The following WWC2 variants were observed in gnomAD, a reference collection of about 807,000 sequenced individuals.
WWC2 encodes the protein WW and C2 domain containing 2.
WWC2 carries 101 observed loss-of-function variants against 138.5 expected under a neutral mutation model. The observed-to-expected ratio is 0.73, with a 90% CI of 0.62 to 0.86. The LOEUF is 0.86. Ranked by LOEUF, WWC2 falls within the 40% of genes least tolerant of loss-of-function variation. WWC2 has a pLI of 0.00. For synonymous variants in WWC2, 558 were observed against 538.4 expected (o/e 1.04, Z -0.50); for missense variants, 1,420 against 1,419.4 (o/e 1.00, Z -0.01).
chr4:183,168,356 C>T (rs1025829668), intron 1 of WWC2, among the ~76,000 whole-genome samples: 1 of 152,016 alleles, frequency 6.6e-6, no homozygotes, highest in East Asian at 1.9e-4. Context: ...CTACAGTGTA[C>T]AGTGAAATGT....
At chr4:183,255,193 G>T (rs1737097371) in intron 9 of WWC2, among the ~76,000 whole-genome samples, 1 of 152,108 alleles carries the variant, frequency 6.6e-6, no homozygotes, top group African/African-American at 2.4e-5. Context: ...TCTCATCTTT[G>T]CCTCCATTTC....
chr4:183,193,731 A>G (rs1359549447), intron 2 of WWC2, 23 bp downstream of exon 2: 1 of 1,574,046 alleles, frequency 6.4e-7, no homozygotes, highest in Non-Finnish European at 8.7e-7. Context: ...TTTTGGTAAA[A>G]GCAAACATAT....
rs375428005 is a variant in WWC2, at chr4:183,232,332, A to G, written c.523-7851A>G. On this transcript the variant is annotated intron_variant, in intron 4 of 22. Coordinates refer to ENST00000403733, the MANE Select transcript of WWC2 (RefSeq NM_024949.6). ...TTTTAATGGATTTTAATACATTCAT[A>G]GTTACATGCCCATTATTGCAATCTA... 3.3e-4 allele frequency among the ~76,000 whole-genome samples: 50 copies of G among 152,318 alleles called. 1 individual carries two copies. The East Asian group carries it at 6.8e-3, about 21-fold the overall frequency.
intron 1 of WWC2, among the ~76,000 whole-genome samples, chr4:183,168,381 A>T (rs559573318): frequency 6.6e-6 from 1 of 152,262 alleles, no homozygotes; most frequent in African/African-American, 2.4e-5. Flanking sequence ...AAACCTAAAA[A>T]AATCATTAAG....
intron 1 of WWC2, among the ~76,000 whole-genome samples, chr4:183,103,630 G>A (rs1409799081): frequency 6.8e-6 from 1 of 147,742 alleles, no homozygotes; most frequent in African/African-American, 2.5e-5. Context: ...ACCTGGACTT[G>A]TGTTTCTCTT....
In WWC2 at chr4:183,254,635, G is replaced by C. The variant is rs564172351; in HGVS notation, c.1196+636G>C. ...TAAGTGAAGGGACCTCTGTGTGTCA[G>C]TTTGACATGAACGCATCTGCATAAG... On this transcript the variant is annotated intron_variant, in intron 9 of 22. Transcript: ENST00000403733. 3.9e-5 allele frequency among the ~76,000 whole-genome samples: 6 copies of C among 152,336 alleles called. No homozygotes were observed. The South Asian group carries it at 6.2e-4, about 16-fold the overall frequency.
chr4:183,312,749 G>C (rs1230338217), intron 22 of WWC2, among the ~76,000 whole-genome samples: 1 of 152,190 alleles, frequency 6.6e-6, no homozygotes, highest in African/African-American at 2.4e-5. Context: ...AGGATACAAA[G>C]GTACAGAAAA....
intron 4 of WWC2, among the ~76,000 whole-genome samples, chr4:183,216,838 T>C (rs539689903): frequency 6.6e-6 from 1 of 152,268 alleles, no homozygotes; most frequent in East Asian, 1.9e-4. Flanking sequence ...AGATTTCTAG[T>C]AGGGTCTCCT....
rs368758151 is a variant in WWC2, at chr4:183,289,401, C to T, written c.3150C>T (p.Cys1050=). The T allele has an allele frequency of 5.0e-6, 8 of 1,610,736 alleles. No homozygotes were observed. Among genetic ancestry groups the T allele is most frequent in the Admixed American group, 3.4e-5 (2 of 59,514 alleles). The part of the protein sequence containing the change: ...RRSLRVKRTV[C]QSVLRRTTQE... ...CGTTTCTAACTATCCAGACGGTTTG[C>T]CAGTCAGTCCTTAGAAGAACAACAC... Residue 1050 remains cysteine (C), a synonymous_variant, in exon 21 of 23, where the codon TGC becomes TGT. Coordinates refer to ENST00000403733, the MANE Select transcript of WWC2 (RefSeq NM_024949.6).
chr4:183,270,916 A>C (rs1278937743), intron 15 of WWC2, among the ~76,000 whole-genome samples, 164 bp from the exon 16 acceptor site: 2 of 152,188 alleles, frequency 1.3e-5, no homozygotes, highest in African/African-American at 4.8e-5. Flanking sequence ...ACATATCCCC[A>C]TGTTTTAAAA....
intron 21 of WWC2, 108 bp downstream of exon 21, chr4:183,289,743 A>G (rs1028831975): frequency 3.5e-6 from 5 of 1,425,376 alleles, no homozygotes; most frequent in East Asian, 4.7e-5. Flanking sequence ...AAGTCTTTAG[A>G]TGTTTTACTA....
chr4:183,121,166 C>G (rs1419033032), intron 1 of WWC2, among the ~76,000 whole-genome samples: 1 of 151,088 alleles, frequency 6.6e-6, no homozygotes, highest in Non-Finnish European at 1.5e-5. Flanking sequence ...GATCCTACCA[C>G]TGCACTCCAT....
In WWC2 at chr4:183,280,854, G is replaced by T; in HGVS notation, c.2641G>T (p.Glu881Ter). 1 of 1,589,532 alleles carries T rather than the reference G, an allele frequency of 6.3e-7. No homozygotes were observed. ...ACAAGAATTAGCACAAGAAGAAGAA[G>T]AAGAATCAGGACAAGAAGAGCCAAG... is the stretch of plus-strand genomic sequence containing the variant. The part of the protein sequence containing the change: ...VEQELAQEEE[E>*]ESGQEEPRGP... The change falls in exon 17 of 23, where the codon GAA becomes TAA. Residue 881 changes from glutamate to a stop codon, truncating the protein, a stop_gained. Coordinates refer to ENST00000403733, the MANE Select transcript of WWC2 (RefSeq NM_024949.6). LOFTEE classifies it high-confidence loss of function.
intron 16 of WWC2, 110 bp downstream of exon 16, chr4:183,271,351 C>A: frequency 1.2e-6 from 1 of 833,910 alleles, no homozygotes; most frequent in Non-Finnish European, 1.7e-6. Flanking sequence ...ATGCTTTTAT[C>A]ACTTTCACTG....
Position 183,315,797 on chromosome 4 carries a change from T to C in WWC2, c.*68T>C. The stretch of plus-strand genomic sequence containing the variant: ...TAGGGAGGGTAAAAGACTGAAGATT[T>C]GTGTTTTTGTTTTGGTGTTTGGTTT... On this transcript the variant is annotated 3_prime_UTR_variant, in exon 23 of 23. Coordinates refer to ENST00000403733, the MANE Select transcript of WWC2 (RefSeq NM_024949.6). 2 of 1,359,988 alleles carry C rather than the reference T, an allele frequency of 1.5e-6. No individual in the cohort carries two copies. Among genetic ancestry groups the C allele is most frequent in the Non-Finnish European group, 2.0e-6 (2 of 991,832 alleles). The allele number at this position is 1,359,988 out of a possible 1,614,324, so 84.2% of individuals were successfully genotyped here. A position where few individuals can be genotyped will look rare whatever the true frequency, so the allele number is the denominator to read the frequency against.
intron 16 of WWC2, 100 bp downstream of exon 16, chr4:183,271,341 A>G (rs932224935): frequency 7.3e-6 from 7 of 958,218 alleles, no homozygotes; most frequent in African/African-American, 6.9e-5. Flanking sequence ...CGAGACCAAC[A>G]TGCTTTTATC....
At chr4:183,197,663 T>C (rs1040530001) in intron 2 of WWC2, among the ~76,000 whole-genome samples, 1 of 152,094 alleles carries the variant, frequency 6.6e-6, no homozygotes, top group Non-Finnish European at 1.5e-5. Flanking sequence ...GGAGGTATGG[T>C]TTATAAGGTT....
chr4:183,191,735 GT>G (rs5864822), intron 1 of WWC2, among the ~76,000 whole-genome samples: 147,700 of 151,678 alleles, frequency 0.97, 72,044 homozygotes, highest in East Asian at 1. Flanking sequence ...AATCATTTTA[GT>G]TTTTTTTTAG....
At chr4:183,137,486 A>G (rs915809351) in intron 1 of WWC2, among the ~76,000 whole-genome samples, 1 of 151,204 alleles carries the variant, frequency 6.6e-6, no homozygotes, top group Non-Finnish European at 1.5e-5. Context: ...GGTGATAGGC[A>G]TTTCTCAGCT....
Sources: gnomAD v4.1 joint callset for allele counts (sites outside exome capture counted in the v4.1 genomes callset) on GRCh38, gnomAD v4.1.1 for gene constraint, MANE v1.5 for transcripts, NCBI Gene and HGNC (gene_info 2026-07-23, HGNC 2026-07-21) for gene names.